The following PCDHA4 variants were observed in gnomAD, a reference collection of about 807,000 sequenced individuals.
The protein encoded by PCDHA4 is protocadherin alpha-4.
In PCDHA4, 49 loss-of-function variants were observed where a neutral mutation model predicts 61.4. That is an observed-to-expected ratio of 0.80 (90% CI 0.63 to 1.01). The LOEUF (loss-of-function observed/expected upper bound fraction) is 1.01, where lower values mean the gene tolerates loss of function less well. Ranked by LOEUF, PCDHA4 falls within the 50% of genes least tolerant of loss-of-function variation. PCDHA4 has a pLI of 0.00. For missense variants in PCDHA4, 1,254 were observed against 1,235.8 expected (o/e 1.01, Z -0.22); for synonymous variants, 590 against 550.3 (o/e 1.07, Z -1.01).
chr5:140,857,646 A>G lies in PCDHA4; in HGVS notation c.2385+48074A>G, dbSNP rs782060988. 27 of 1,596,264 alleles carry G rather than the reference A, an allele frequency of 1.7e-5. 4 individuals carry two copies. The highest frequency in any genetic ancestry group is 2.2e-5 in the Non-Finnish European group (26 of 1,167,636). Reference sequence around the variant, plus strand: ...GAGGAGCTGGAGCTGCTACAGTTCCAGGTGAGCGCGCGCGATGGGGGCGTG... The same window carrying G: ...GAGGAGCTGGAGCTGCTACAGTTCCGGGTGAGCGCGCGCGATGGGGGCGTG... On this transcript the variant is annotated intron_variant, in intron 1 of 3. Coordinates refer to ENST00000530339, the MANE Select transcript of PCDHA4 (RefSeq NM_018907.4).
Position 140,829,775 on chromosome 5 carries a change from G to A in PCDHA4, c.2385+20203G>A, listed in dbSNP as rs1381710258. ...GTTCGTGCTGGACGAGAACGACAAC[G>A]CGCCGGCGCTGCTGGCGCCTCGGGT... On this transcript the variant is annotated intron_variant, in intron 1 of 3. Transcript: ENST00000530339. 6.2e-7 allele frequency: 1 copy of A among 1,613,800 alleles called. No homozygotes were observed. The highest frequency in any genetic ancestry group is 8.5e-7 in the Non-Finnish European group (1 of 1,179,866).
At chr5:140,892,324 C>T (rs1158961031) in intron 1 of PCDHA4, among the ~76,000 whole-genome samples, 3 of 152,308 alleles carry the variant, frequency 2.0e-5, no homozygotes, top group Non-Finnish European at 4.4e-5. Context: ...CATTTTCTTT[C>T]TCCAGAATGG....
Position 141,009,978 on chromosome 5 carries a change from A to G in PCDHA4, c.*41A>G. On this transcript the variant is annotated 3_prime_UTR_variant, in exon 4 of 4. Coordinates refer to ENST00000530339, the MANE Select transcript of PCDHA4 (RefSeq NM_018907.4). Reference sequence around the variant, plus strand: ...ACAAGCCACTTAGCCAGTTTTTGTAATAATGGCAAATCTCTCCCATGTAGC... The same window carrying G: ...ACAAGCCACTTAGCCAGTTTTTGTAGTAATGGCAAATCTCTCCCATGTAGC... 2 of 1,583,512 alleles carry G rather than the reference A, an allele frequency of 1.3e-6. No homozygotes were observed. Among genetic ancestry groups the G allele is most frequent in the Non-Finnish European group, 1.7e-6 (2 of 1,168,204 alleles).
At chr5:140,904,519 A>C (rs576512079) in intron 1 of PCDHA4, among the ~76,000 whole-genome samples, 2 of 152,174 alleles carry the variant, frequency 1.3e-5, no homozygotes, top group Non-Finnish European at 2.9e-5. Context: ...GTGCTGCTAT[A>C]AACTTGTGTG....
At chr5:140,895,862 A>T (rs1199310977) in intron 1 of PCDHA4, among the ~76,000 whole-genome samples, 1 of 152,136 alleles carries the variant, frequency 6.6e-6, no homozygotes, top group Non-Finnish European at 1.5e-5. Context: ...CCCAGGCTGG[A>T]GTGCAATGGC....
intron 1 of PCDHA4, chr5:140,876,682 T>C (rs782271076): frequency 5.6e-6 from 9 of 1,614,180 alleles, no homozygotes; most frequent in Non-Finnish European, 4.2e-6. Context: ...CTACAAGAAT[T>C]ACTACTCGTT....
At position 140,946,631 on chromosome 5, in the gene PCDHA4, T is replaced by TATATATATATATATATACAC. The variant is rs57893927; in HGVS notation, c.2386-32317_2386-32316insTATATATATATATATACACA. 2.9e-4 allele frequency among the ~76,000 whole-genome samples: 38 copies of TATATATATATATATATACAC among 131,846 alleles called. No individual in the cohort carries two copies. The East Asian group carries it at 4.9e-3, about 17-fold the overall frequency. The allele number at this position is 131,846 out of a possible 152,430, so 86.5% of individuals were successfully genotyped here. A position where few individuals can be genotyped will look rare whatever the true frequency, so the allele number is the denominator to read the frequency against. On this transcript the variant is annotated intron_variant, in intron 1 of 3. Transcript: ENST00000530339. ...TGTGAAATATATATATATATATATATACAATGGAATACTCATCAGCCATTA... is the reference window on the plus strand; with the variant it reads ...TGTGAAATATATATATATATATATATATATATATATATATATACACACAATGGAATACTCATCAGCCATTA...
chr5:140,914,427 T>C (rs2076707638), intron 1 of PCDHA4, among the ~76,000 whole-genome samples: 1 of 152,196 alleles, frequency 6.6e-6, no homozygotes, highest in African/African-American at 2.4e-5. Context: ...TAGCAAGGAA[T>C]ATCTTTTCCC....
intron 1 of PCDHA4, chr5:140,823,264 C>A (rs1052475502): frequency 2.5e-6 from 4 of 1,612,792 alleles, no homozygotes; most frequent in Non-Finnish European, 2.5e-6. Context: ...GGTGGAGCGG[C>A]GGGTGGGCGA....
chr5:140,817,562 C>A (rs1766158896), intron 1 of PCDHA4: 1 of 152,242 alleles, frequency 6.6e-6, no homozygotes, highest in Middle Eastern at 3.4e-3. Flanking sequence ...TGACTTATTA[C>A]CTCAATTAAA....
chr5:140,936,448 T>A (rs1477787930), intron 1 of PCDHA4, among the ~76,000 whole-genome samples: 1 of 152,210 alleles, frequency 6.6e-6, no homozygotes, highest in Non-Finnish European at 1.5e-5. Context: ...AATAACCACA[T>A]CTGTTTAGTG....
At chr5:140,826,125 T>G (rs2150142627) in intron 1 of PCDHA4, among the ~76,000 whole-genome samples, 3 of 152,250 alleles carry the variant, frequency 2.0e-5, no homozygotes, top group African/African-American at 7.2e-5. Context: ...CCTAATATCC[T>G]GAGCTACTTT....
At chr5:140,874,970 G>A (rs186825854) in intron 1 of PCDHA4, among the ~76,000 whole-genome samples, 1 of 152,280 alleles carries the variant, frequency 6.6e-6, no homozygotes, top group Admixed American at 6.5e-5. Flanking sequence ...AAGGGGAGGG[G>A]TGCTGTATAT....
intron 1 of PCDHA4, chr5:140,843,167 A>G: frequency 6.3e-7 from 1 of 1,596,098 alleles, no homozygotes; most frequent in Non-Finnish European, 8.6e-7. Context: ...GCCAGCTGCA[A>G]GCAGCCCTCG....
chr5:140,812,398 G>C (rs938741537), intron 1 of PCDHA4: 1 of 151,504 alleles, frequency 6.6e-6, no homozygotes, highest in Non-Finnish European at 1.5e-5. Flanking sequence ...CTAGCTAAGG[G>C]GCTTGTCAGT....
chr5:140,828,284 A>G (rs2150153622), intron 1 of PCDHA4: 2 of 1,614,076 alleles, frequency 1.2e-6, no homozygotes, highest in African/African-American at 2.7e-5. Flanking sequence ...GCGCCTGTTC[A>G]GGATGGCCTC....
chr5:140,869,302 G>A, intron 1 of PCDHA4: 5 of 1,613,642 alleles, frequency 3.1e-6, no homozygotes, highest in Non-Finnish European at 4.2e-6. Flanking sequence ...GTTCCGGGTG[G>A]CGTCCAAAAC....
chr5:140,883,696 G>T (rs142212706), intron 1 of PCDHA4: 2 of 1,613,818 alleles, frequency 1.2e-6, no homozygotes, highest in Non-Finnish European at 1.7e-6. Flanking sequence ...ACATCTTCAC[G>T]GTGTCTGCTC....
chr5:140,863,992 C>T (rs1554158598), intron 1 of PCDHA4: 3 of 152,876 alleles, frequency 2.0e-5, no homozygotes, highest in African/African-American at 7.3e-5. Context: ...CAGGGTGAAA[C>T]TCTGTCTTAA....
Sources: gnomAD v4.1 joint callset for allele counts (sites outside exome capture counted in the v4.1 genomes callset) on GRCh38, gnomAD v4.1.1 for gene constraint, MANE v1.5 for transcripts, NCBI Gene and HGNC (gene_info 2026-07-23, HGNC 2026-07-21) for gene names.